Variants in ATP13A4 observed in about 807,000 individuals in gnomAD.
ATP13A4 encodes the protein ATPase 13A4.
ATP13A4 carries 114 observed loss-of-function variants against 142.5 expected under a neutral mutation model. The ratio of observed to expected loss-of-function variants is 0.80; its 90% CI spans 0.69 to 0.93. ATP13A4 has a LOEUF of 0.93. Among genes scored for constraint, ATP13A4 ranks in the 40% least tolerant of loss-of-function variants. ATP13A4 has a pLI of 0.00. For synonymous variants in ATP13A4, 488 were observed against 514.8 expected (o/e 0.95, Z 0.70); for missense variants, 1,392 against 1,454.0 (o/e 0.96, Z 0.69).
chr3:193,529,302 A>G (rs942040233), intron 1 of ATP13A4, among the ~76,000 whole-genome samples: 4 of 151,858 alleles, frequency 2.6e-5, no homozygotes, highest in Non-Finnish European at 5.9e-5. Flanking sequence ...GCATTATTCT[A>G]CTTCCTAAAC....
chr3:193,547,435 T>A (rs993865488), intron 1 of ATP13A4, among the ~76,000 whole-genome samples: 2 of 152,252 alleles, frequency 1.3e-5, no homozygotes, highest in Non-Finnish European at 2.9e-5. Flanking sequence ...GAATGGCACC[T>A]AGGAATCTAT....
chr3:193,445,789 G>C (rs1716917289), intron 18 of ATP13A4, among the ~76,000 whole-genome samples: 3 of 151,764 alleles, frequency 2.0e-5, no homozygotes, highest in Middle Eastern at 3.4e-3. Context: ...TAAATAAGGA[G>C]AGCACTTAAG....
intron 29 of ATP13A4, chr3:193,404,213 A>G: frequency 1.1e-6 from 1 of 942,978 alleles, no homozygotes; most frequent in Non-Finnish European, 1.3e-6. Flanking sequence ...AATCTTACTT[A>G]CTTCAAGGAA....
At chr3:193,474,753 AAGAAAGAAAG>A (rs1718864184) in intron 8 of ATP13A4, among the ~76,000 whole-genome samples, 5 of 151,386 alleles carry the variant, frequency 3.3e-5, no homozygotes, top group African/African-American at 1.2e-4. Context: ...AGAAAGGAAA[AAGAAAGAAAG>A]AGAAAGAAAG....
chr3:193,438,615 A>G (rs771894409), intron 22 of ATP13A4, 31 bp from the exon 23 acceptor site: 4 of 1,566,676 alleles, frequency 2.6e-6, no homozygotes, highest in South Asian at 1.1e-5. Flanking sequence ...TACTCCTCAC[A>G]TAGACTCACG....
Position 193,466,102 on chromosome 3 carries a change from T to C in ATP13A4, c.1195A>G (p.Ile399Val). Residue 399 changes from isoleucine to valine, a missense_variant, in exon 11 of 30, where the codon ATC (isoleucine) becomes GTC (valine). Ile to Val is a conservative substitution (Grantham distance 29). Coordinates refer to ENST00000342695, the MANE Select transcript of ATP13A4 (RefSeq NM_032279.4). ...CCTACAAGGCACAGGAGGAACCTGA[T>C]GGCATCCCTGTACAACTGAAAATTC... is the stretch of plus-strand genomic sequence containing the variant. ...PVNFQLYRDA[I>V]RFLLCLVGTA... 1.2e-6 allele frequency: 2 copies of C among 1,614,134 alleles called. No homozygotes were observed. Among genetic ancestry groups the C allele is most frequent in the South Asian group, 2.2e-5 (2 of 91,082 alleles).
chr3:193,587,606 C>G (rs2108749717), intron 1 of ATP13A4, among the ~76,000 whole-genome samples: 1 of 152,260 alleles, frequency 6.6e-6, no homozygotes, highest in East Asian at 1.9e-4. Context: ...TATAGAAACA[C>G]AATTTGCTTA....
intron 3 of ATP13A4, among the ~76,000 whole-genome samples, chr3:193,502,278 T>C (rs1720591928): frequency 6.6e-6 from 1 of 152,220 alleles, no homozygotes; most frequent in Non-Finnish European, 1.5e-5. Flanking sequence ...CATCATTTTG[T>C]AGATGAGAAA....
chr3:193,406,011 T>C (rs1714473866), intron 29 of ATP13A4, among the ~76,000 whole-genome samples: 2 of 152,138 alleles, frequency 1.3e-5, no homozygotes, highest in African/African-American at 4.8e-5. Context: ...AGAGACCATA[T>C]GGTTTAGCAT....
intron 1 of ATP13A4, among the ~76,000 whole-genome samples, chr3:193,592,162 G>A (rs946112458): frequency 1.3e-4 from 20 of 149,556 alleles, no homozygotes; most frequent in Non-Finnish European, 2.8e-4. Context: ...TAGTGGGGAG[G>A]AGGTGAAAGG....
intron 1 of ATP13A4, among the ~76,000 whole-genome samples, chr3:193,538,894 T>C (rs1169009681): frequency 1.0e-5 from 1 of 99,190 alleles, no homozygotes; most frequent in Non-Finnish European, 2.3e-5. Flanking sequence ...GGTTTTTTCT[T>C]TTTTTTTTTT....
intron 1 of ATP13A4, among the ~76,000 whole-genome samples, chr3:193,587,855 T>C (rs566320962): frequency 1.4e-4 from 21 of 152,258 alleles, no homozygotes; most frequent in Non-Finnish European, 1.5e-5. Flanking sequence ...CCCAAAAATA[T>C]GGCTTAAACC....
chr3:193,479,030 C>T (rs1577006220), intron 8 of ATP13A4, among the ~76,000 whole-genome samples: 1 of 152,138 alleles, frequency 6.6e-6, no homozygotes, highest in African/African-American at 2.4e-5. Context: ...ATGATTATCT[C>T]AATAGATGCA....
intron 1 of ATP13A4, among the ~76,000 whole-genome samples, chr3:193,534,538 C>A (rs1052214656): frequency 5.3e-5 from 8 of 151,486 alleles, no homozygotes; most frequent in African/African-American, 1.9e-4. Context: ...ATACATAAAA[C>A]CAAAAGAAAA....
chr3:193,414,304 CA>C (rs1714936322), intron 26 of ATP13A4, among the ~76,000 whole-genome samples: 1 of 152,068 alleles, frequency 6.6e-6, no homozygotes, highest in South Asian at 2.1e-4. Context: ...GCTGCTCAGG[CA>C]AATTATAATC....
intron 16 of ATP13A4, 48 bp downstream of exon 16, chr3:193,456,952 A>G (rs760683595): frequency 3.2e-6 from 5 of 1,570,916 alleles, no homozygotes; most frequent in Non-Finnish European, 4.3e-6. Flanking sequence ...GAACATATTT[A>G]TCTGGAGATA....
chr3:193,462,770 A>G lies in ATP13A4; in HGVS notation c.1515T>C (p.Asp505=), dbSNP rs1201025419. The change falls in exon 13 of 30, where the codon GAT becomes GAC. Residue 505 remains aspartate (D), a synonymous_variant. Transcript: ENST00000342695. The stretch of plus-strand genomic sequence containing the variant: ...GAGTCCAAGGTACTCACCCATTCCT[A>G]TCACAGGACACGACTCCCCAGAGGT... ...GLDLWGVVSC[D]RNGFQEVHSF... 3.7e-6 allele frequency: 6 copies of G among 1,613,720 alleles called. No homozygotes were observed. In the African/African-American group the frequency reaches 5.3e-5, roughly 14 times the overall value.
chr3:193,475,928 T>C (rs1393940743), intron 8 of ATP13A4, among the ~76,000 whole-genome samples: 4 of 151,966 alleles, frequency 2.6e-5, no homozygotes, highest in African/African-American at 7.3e-5. Context: ...TTATATACAA[T>C]GGGATAAAGC....
chr3:193,502,530 T>C lies in ATP13A4; in HGVS notation c.344A>G (p.Tyr115Cys), dbSNP rs751988006. 2.5e-6 allele frequency: 4 copies of C among 1,614,058 alleles called. No homozygotes were observed. In the South Asian group the frequency reaches 3.3e-5, roughly 13 times the overall value. ...PDHPLMTDEE[Y>C]IINRAIRKPD... The stretch of plus-strand genomic sequence containing the variant: ...CTTTCTTATGGCTCTATTTATGATA[T>C]ACTCCTCATCTGTCATGAGAGGGTG... The change falls in exon 3 of 30, where the codon TAT (tyrosine) becomes TGT (cysteine). Residue 115 changes from tyrosine (Y) to cysteine (C), a missense_variant. By Grantham distance (194) the Tyr-to-Cys change is radical. Coordinates refer to ENST00000342695, the MANE Select transcript of ATP13A4 (RefSeq NM_032279.4).
Sources: allele counts gnomAD v4.1 joint callset (sites outside exome capture counted in the v4.1 genomes callset), GRCh38; gene constraint gnomAD v4.1.1; transcripts MANE v1.5; gene names NCBI Gene and HGNC (gene_info 2026-07-23, HGNC 2026-07-21).